PDE9A: variants seen among roughly 807,000 people sequenced by gnomAD.
PDE9A encodes the protein high affinity cGMP-specific 3',5'-cyclic phosphodiesterase 9A.
A neutral mutation model predicts 87.4 loss-of-function variants in PDE9A; 60 were observed. The observed-to-expected ratio is 0.69, with a 90% CI of 0.56 to 0.85. PDE9A has a LOEUF of 0.85. PDE9A is among the 40% of genes least tolerant of loss of function. The pLI is 0.00. For missense variants in PDE9A, 665 were observed against 779.0 expected, an observed-to-expected ratio of 0.85 and a Z score of 1.74; for synonymous variants, 272 against 279.4, an observed-to-expected ratio of 0.97 and a Z score of 0.27.
At chr21:42,668,387 G>A (rs117755134) in intron 1 of PDE9A, among the ~76,000 whole-genome samples, 2 of 152,322 alleles carry the variant, frequency 1.3e-5, no homozygotes, top group East Asian at 3.9e-4. Context: ...ACAAGGGTGA[G>A]GCCCCAGAGA....
chr21:42,751,530 A>G (rs977927564), intron 9 of PDE9A, among the ~76,000 whole-genome samples: 5 of 152,208 alleles, frequency 3.3e-5, no homozygotes, highest in Non-Finnish European at 7.3e-5. Context: ...AATTTTTAAA[A>G]ATCCATTCCA....
intron 4 of PDE9A, among the ~76,000 whole-genome samples, chr21:42,708,323 T>C (rs1321255579): frequency 6.6e-6 from 1 of 152,110 alleles, no homozygotes; most frequent in African/African-American, 2.4e-5. Flanking sequence ...CAAACAGTAA[T>C]ACGGAAGCCT....
intron 10 of PDE9A, chr21:42,758,023 T>C (rs573472163): frequency 1.3e-5 from 2 of 152,512 alleles, no homozygotes; most frequent in South Asian, 4.1e-4. Context: ...CCAGCAGGGA[T>C]GGCCCAGTGC....
Position 42,660,574 on chromosome 21 carries a change from GA to G in PDE9A, c.69+6693del, listed in dbSNP as rs1295530937. 4.0e-5 allele frequency among the ~76,000 whole-genome samples: 6 copies of G among 149,164 alleles called. No homozygotes were observed. The highest frequency in any genetic ancestry group is 1.5e-4 in the African/African-American group (6 of 40,374). On this transcript the variant is annotated intron_variant, in intron 1 of 19. Coordinates refer to ENST00000291539, the MANE Select transcript of PDE9A (RefSeq NM_002606.3). This position sits in a 1 kb window ranked among gnomAD's most constrained non-coding sequence, Gnocchi z 4.7. ...CAGAATCTCAGAAATCACCACTAAA[GA>G]ACTTACCCATGTAACCAAACACCAC... is the stretch of plus-strand genomic sequence containing the variant.
rs562576526 is a variant in PDE9A, at chr21:42,694,189, A to AGTTG, written c.219-4760_219-4757dup. On this transcript the variant is annotated intron_variant, in intron 3 of 19. Coordinates refer to ENST00000291539, the MANE Select transcript of PDE9A (RefSeq NM_002606.3). The surrounding 1 kb of genome is among the most constrained non-coding windows in gnomAD (Gnocchi z 5.3). ...CCTCTAGCTCAGAAGCTACGTCAGC[A>AGTTG]GTTGGTTGGTTGGTTGGTTGGTGGG... Among the ~76,000 whole-genome samples, 33 of 152,268 alleles carry AGTTG rather than the reference A, an allele frequency of 2.2e-4. No homozygotes were observed. Among genetic ancestry groups the AGTTG allele is most frequent in the Middle Eastern group, 6.8e-3 (2 of 294 alleles).
In PDE9A at chr21:42,687,907, T is replaced by C; in HGVS notation, c.141-10T>C. The C allele has an allele frequency of 6.2e-7, 1 of 1,612,512 alleles. No homozygotes were observed. The highest frequency in any genetic ancestry group is 8.5e-7 in the Non-Finnish European group (1 of 1,179,436). On this transcript the variant is annotated splice_polypyrimidine_tract_variant and intron_variant, in intron 2 of 19. Coordinates refer to ENST00000291539, the MANE Select transcript of PDE9A (RefSeq NM_002606.3). ...ATGGGCGAAAACACGGGCTTGGGTG[T>C]GTTTTCCAGGAACACGACCATCTCC... is the stretch of plus-strand genomic sequence containing the variant.
chr21:42,762,932 A>G (rs1308583774), intron 14 of PDE9A, among the ~76,000 whole-genome samples: 1 of 152,130 alleles, frequency 6.6e-6, no homozygotes, highest in Non-Finnish European at 1.5e-5. Context: ...ACCTCAGGTG[A>G]TCCACCTGCC....
chr21:42,705,877 C>A lies in PDE9A; in HGVS notation c.262+6866C>A, dbSNP rs950707444. On this transcript the variant is annotated intron_variant, in intron 4 of 19. Transcript: ENST00000291539. The surrounding 1 kb of genome is among the most constrained non-coding windows in gnomAD (Gnocchi z 4.3). ...GTTCAGCCTCTGCATCTGGCCCCCGCGGAGACCCACACCACATTCTACTCC... is the reference window on the plus strand; with the variant it reads ...GTTCAGCCTCTGCATCTGGCCCCCGAGGAGACCCACACCACATTCTACTCC... Among the ~76,000 whole-genome samples the A allele has an allele frequency of 1.3e-5, 2 of 152,118 alleles. No individual in the cohort carries two copies. Among genetic ancestry groups the A allele is most frequent in the African/African-American group, 2.4e-5 (1 of 41,442 alleles).
At chr21:42,753,861 CAAA>C (rs57957426) in intron 9 of PDE9A, 126 bp from the exon 10 acceptor site, 13,342 of 421,902 alleles carry the variant, frequency 0.032, no homozygotes, top group South Asian at 0.049. Context: ...GACTCTATCT[CAAA>C]AAAAAAAAAA....
At chr21:42,678,989 G>A (rs568386145) in intron 1 of PDE9A, among the ~76,000 whole-genome samples, 5 of 152,370 alleles carry the variant, frequency 3.3e-5, no homozygotes, top group African/African-American at 1.2e-4. Context: ...CCTCCAAACT[G>A]GAACATGCAG....
Position 42,688,010 on chromosome 21 carries a change from C to T in PDE9A, c.218+16C>T, listed in dbSNP as rs375419428. 1.4e-5 allele frequency: 22 copies of T among 1,606,110 alleles called. No individual in the cohort carries two copies. Among genetic ancestry groups the T allele is most frequent in the African/African-American group, 2.7e-5 (2 of 74,826 alleles). On this transcript the variant is annotated intron_variant, in intron 3 of 19. Coordinates refer to ENST00000291539, the MANE Select transcript of PDE9A (RefSeq NM_002606.3). ...ATTCAGAACGGTAAGAGGCTCCGGC[C>T]GCGCTCCTCGGGGTGTGCCTGGCAC... is the stretch of plus-strand genomic sequence containing the variant.
At chr21:42,679,654 C>T (rs1397294663) in intron 1 of PDE9A, among the ~76,000 whole-genome samples, 1 of 152,160 alleles carries the variant, frequency 6.6e-6, no homozygotes, top group East Asian at 1.9e-4. Context: ...CCACAACCTC[C>T]CGATAAGCCT....
intron 4 of PDE9A, among the ~76,000 whole-genome samples, chr21:42,721,431 C>T (rs772961133): frequency 1.1e-4 from 17 of 152,182 alleles, no homozygotes; most frequent in Non-Finnish European, 1.8e-4. Context: ...TGGGATAGTC[C>T]TTTGGCTGCT....
chr21:42,775,232 G>T (rs369807137), intron 19 of PDE9A, 48 bp from the exon 20 acceptor site: 1 of 1,602,974 alleles, frequency 6.2e-7, no homozygotes, highest in South Asian at 1.1e-5. Context: ...GAGCCACCGC[G>T]CCCTAATTCT....
chr21:42,751,290 A>G, intron 9 of PDE9A, 93 bp downstream of exon 9: 1 of 902,930 alleles, frequency 1.1e-6, no homozygotes, highest in Non-Finnish European at 1.9e-6. Flanking sequence ...TGCTGTGTGT[A>G]CGTTCACATC....
chr21:42,753,728 G>A (rs1028230675), intron 9 of PDE9A, among the ~76,000 whole-genome samples: 1 of 151,998 alleles, frequency 6.6e-6, no homozygotes. Flanking sequence ...GCCAGGCATG[G>A]TGGCGGGCGC....
chr21:42,726,626 T>TA (rs1569207600), intron 4 of PDE9A, among the ~76,000 whole-genome samples: 7 of 41,152 alleles, frequency 1.7e-4, no homozygotes, highest in African/African-American at 5.0e-4. Flanking sequence ...ATATATATAT[T>TA]TTTTTTTTTT....
intron 3 of PDE9A, among the ~76,000 whole-genome samples, chr21:42,698,544 T>C (rs1358740852): frequency 2.6e-5 from 4 of 152,132 alleles, no homozygotes; most frequent in Admixed American, 1.3e-4. Context: ...ATTTTCGACT[T>C]CATCACTGTC....
intron 1 of PDE9A, among the ~76,000 whole-genome samples, chr21:42,670,813 T>TCA (rs1336112505): frequency 6.6e-6 from 1 of 151,966 alleles, no homozygotes; most frequent in African/African-American, 2.4e-5. Flanking sequence ...ACACATACAT[T>TCA]CACACACACA....
Sources: gnomAD v4.1 joint callset for allele counts (sites outside exome capture counted in the v4.1 genomes callset) on GRCh38, gnomAD v4.1.1 for gene constraint, Gnocchi (gnomAD v3.1) non-coding constraint, MANE v1.5 for transcripts, NCBI Gene and HGNC (gene_info 2026-07-23, HGNC 2026-07-21) for gene names.